Variants in NR6A1 observed in about 807,000 individuals in gnomAD.
NR6A1 encodes retinoic acid receptor-related testis-associated receptor.
A neutral mutation model predicts 59.1 loss-of-function variants in NR6A1; 7 were observed. The ratio of observed to expected loss-of-function variants is 0.12; its 90% CI spans 0.07 to 0.22. The LOEUF is 0.22. NR6A1 is among the 10% of genes least tolerant of loss of function. The pLI, the probability that NR6A1 is intolerant of heterozygous loss-of-function variation, is 1.00. For missense variants in NR6A1, 468 were observed against 611.6 expected (o/e 0.77, Z 2.48); for synonymous variants, 243 against 236.1 (o/e 1.03, Z -0.27).
At chr9:124,579,816 G>T (rs1467919906) in intron 2 of NR6A1, among the ~76,000 whole-genome samples, 1 of 152,080 alleles carries the variant, frequency 6.6e-6, no homozygotes, top group Non-Finnish European at 1.5e-5. Flanking sequence ...TTGGAGACCA[G>T]CCTGACCAAC....
chr9:124,537,959 G>C, intron 6 of NR6A1, 133 bp downstream of exon 6: 1 of 662,550 alleles, frequency 1.5e-6, no homozygotes, highest in South Asian at 2.0e-5. Flanking sequence ...GCACAGATTT[G>C]TCCCCTGACA....
At chr9:124,567,118 A>T (rs1243947528) in intron 2 of NR6A1, among the ~76,000 whole-genome samples, 1 of 151,964 alleles carries the variant, frequency 6.6e-6, no homozygotes, top group Non-Finnish European at 1.5e-5. Context: ...AAAAAAAAAA[A>T]AATAAATAAA....
chr9:124,651,846 A>G (rs1837113807), intron 2 of NR6A1, among the ~76,000 whole-genome samples: 1 of 152,108 alleles, frequency 6.6e-6, no homozygotes, highest in Non-Finnish European at 1.5e-5. Context: ...CTGTGCCTCC[A>G]CCCCAATCCT....
In NR6A1 at chr9:124,575,850, T is replaced by C. The variant is rs542629917; in HGVS notation, c.143-21280A>G. ...AGCTATTATTATTATTGATATCATA[T>C]TGTCACCACTTTGTCTCAGGATACC... On this transcript the variant is annotated intron_variant, in intron 2 of 9. Transcript: ENST00000487099. Among the ~76,000 whole-genome samples the C allele has an allele frequency of 7.4e-4, 113 of 152,330 alleles. 1 individual carries two copies. In the South Asian group the frequency reaches 0.018, roughly 25 times the overall value.
chr9:124,707,923 C>A (rs1185690937), intron 2 of NR6A1, among the ~76,000 whole-genome samples: 1 of 152,188 alleles, frequency 6.6e-6, no homozygotes, highest in Non-Finnish European at 1.5e-5. Context: ...ACTCACACTT[C>A]AGGCCTTCAC....
intron 2 of NR6A1, among the ~76,000 whole-genome samples, chr9:124,660,957 A>G (rs888468548): frequency 6.6e-6 from 1 of 152,214 alleles, no homozygotes; most frequent in African/African-American, 2.4e-5. Context: ...GTATCTTTTT[A>G]AAATTCCAAA....
chr9:124,768,888 G>A (rs1052927375), intron 1 of NR6A1, among the ~76,000 whole-genome samples: 24 of 152,118 alleles, frequency 1.6e-4, no homozygotes, highest in Non-Finnish European at 3.1e-4. Flanking sequence ...ATATGCACAG[G>A]TGGGTACAGG....
chr9:124,584,282 A>G (rs1285923112), intron 2 of NR6A1, among the ~76,000 whole-genome samples: 2 of 151,804 alleles, frequency 1.3e-5, no homozygotes, highest in African/African-American at 4.8e-5. Flanking sequence ...TAATTTTTGA[A>G]TTTTTAGTAG....
chr9:124,716,719 C>T (rs915209836), intron 2 of NR6A1, among the ~76,000 whole-genome samples: 3 of 152,228 alleles, frequency 2.0e-5, no homozygotes, highest in Admixed American at 1.3e-4. Context: ...GCAACCTCCA[C>T]CTTTCAGGTT....
At chr9:124,565,743 T>A (rs900310760) in intron 2 of NR6A1, among the ~76,000 whole-genome samples, 1 of 152,200 alleles carries the variant, frequency 6.6e-6, no homozygotes, top group Admixed American at 6.5e-5. Flanking sequence ...AACTTACTAG[T>A]GATCAAGGAC....
chr9:124,567,831 CTTTTTTTTTTTT>C (rs534591761), intron 2 of NR6A1, among the ~76,000 whole-genome samples: 1,948 of 101,322 alleles, frequency 0.019, 47 homozygotes, highest in African/African-American at 0.064. Context: ...TAAAAATTTG[CTTTTTTTTTTTT>C]TTTTTTTTTT....
chr9:124,661,695 T>C (rs1837440179), intron 2 of NR6A1, among the ~76,000 whole-genome samples: 2 of 152,178 alleles, frequency 1.3e-5, no homozygotes, highest in Admixed American at 1.3e-4. Flanking sequence ...CAAATACTAT[T>C]ATTACTCACC....
intron 2 of NR6A1, among the ~76,000 whole-genome samples, chr9:124,706,905 A>G (rs1300483500): frequency 6.6e-6 from 1 of 152,014 alleles, no homozygotes; most frequent in East Asian, 1.9e-4. Flanking sequence ...CACAAAGCCT[A>G]TTGTTTTTCC....
chr9:124,544,449 A>G (rs1456035560), intron 3 of NR6A1, among the ~76,000 whole-genome samples: 2 of 152,218 alleles, frequency 1.3e-5, no homozygotes, highest in East Asian at 1.9e-4. Context: ...TACTAATATT[A>G]TCATCACTCT....
intron 2 of NR6A1, among the ~76,000 whole-genome samples, chr9:124,647,230 T>C (rs757070104): frequency 6.6e-6 from 1 of 151,866 alleles, no homozygotes; most frequent in Non-Finnish European, 1.5e-5. Context: ...GTTTTTTAAA[T>C]AGATAAACAA....
chr9:124,583,545 G>A (rs1314427572), intron 2 of NR6A1, among the ~76,000 whole-genome samples: 1 of 152,192 alleles, frequency 6.6e-6, no homozygotes, highest in Non-Finnish European at 1.5e-5. Flanking sequence ...TGACAGGAAT[G>A]TGAGGGGGGC....
At chr9:124,641,188 C>T (rs1277046640) in intron 2 of NR6A1, among the ~76,000 whole-genome samples, 1 of 151,566 alleles carries the variant, frequency 6.6e-6, no homozygotes, top group African/African-American at 2.4e-5. Context: ...CCTGTCTCTA[C>T]TAAAAAATAA....
chr9:124,525,914 T>C (rs961512716), intron 8 of NR6A1, among the ~76,000 whole-genome samples: 14 of 152,168 alleles, frequency 9.2e-5, no homozygotes, highest in African/African-American at 3.4e-4. Flanking sequence ...CTAAGTTTTC[T>C]CAATGTCTTT....
At chr9:124,681,824 T>C (rs1588777972) in intron 2 of NR6A1, among the ~76,000 whole-genome samples, 1 of 152,314 alleles carries the variant, frequency 6.6e-6, no homozygotes, top group East Asian at 1.9e-4. Flanking sequence ...TGAACAAGTA[T>C]TTTCCAAATG....
Sources: gnomAD v4.1 joint callset for allele counts (sites outside exome capture counted in the v4.1 genomes callset) on GRCh38, gnomAD v4.1.1 for gene constraint, MANE v1.5 for transcripts, NCBI Gene and HGNC (gene_info 2026-07-23, HGNC 2026-07-21) for gene names.